The following FRMD3 variants were observed in gnomAD, a reference collection of about 807,000 sequenced individuals.
FRMD3 encodes the protein FERM domain-containing protein 3.
Under a neutral mutation model 70.2 loss-of-function variants are expected in FRMD3, and 33 were observed. That is an observed-to-expected ratio of 0.47 (90% CI 0.36 to 0.63). FRMD3 has a LOEUF of 0.63. Among genes scored for constraint, FRMD3 ranks in the 20% least tolerant of loss-of-function variants. The pLI is 0.00. For missense variants in FRMD3, 632 were observed against 711.4 expected, an observed-to-expected ratio of 0.89 and a Z score of 1.27; for synonymous variants, 279 against 255.9, an observed-to-expected ratio of 1.09 and a Z score of -0.86.
At chr9:83,568,748 T>C in the FRMD3 span, among the ~76,000 whole-genome samples, 29,910 of 152,012 alleles carry the variant, frequency 0.2, 3,068 homozygotes, top group Non-Finnish European at 0.21. Context: ...AATAATGTAC[T>C]ATATATTTAA....
At chr9:83,540,405 A>G (rs1404968302), upstream of FRMD3, among the ~76,000 whole-genome samples, 1 of 152,266 alleles carries the variant, frequency 6.6e-6, no homozygotes, top group Non-Finnish European at 1.5e-5. Context: ...CAAGGACAGT[A>G]GTGAAAAAGA....
At chr9:83,252,932 CTT>C (rs1410404865) in intron 13 of FRMD3, among the ~76,000 whole-genome samples, 3 of 152,100 alleles carry the variant, frequency 2.0e-5, no homozygotes, top group Non-Finnish European at 4.4e-5. Flanking sequence ...TAGTGGGAGA[CTT>C]TAACACTCCA....
At chr9:83,500,800 C>T (rs988597116) in intron 1 of FRMD3, among the ~76,000 whole-genome samples, 13 of 151,898 alleles carry the variant, frequency 8.6e-5, no homozygotes, top group African/African-American at 1.2e-4. Flanking sequence ...AGTTTGGAGG[C>T]GAGGAAAAGA....
chr9:83,391,173 A>C (rs1360473991), intron 1 of FRMD3, among the ~76,000 whole-genome samples: 1 of 152,240 alleles, frequency 6.6e-6, no homozygotes, highest in Non-Finnish European at 1.5e-5. Flanking sequence ...ATAAGCTTCA[A>C]GTTTTTAACT....
chr9:83,269,624 G>T (rs1045371215), intron 13 of FRMD3, among the ~76,000 whole-genome samples: 3 of 151,976 alleles, frequency 2.0e-5, no homozygotes, highest in Non-Finnish European at 4.4e-5. Flanking sequence ...CAGGAGAATT[G>T]CATAAACCCG....
intron 2 of FRMD3, 133 bp from the exon 3 acceptor site, chr9:83,373,088 G>C (rs1353925327): frequency 1.1e-5 from 8 of 710,704 alleles, no homozygotes; most frequent in Non-Finnish European, 1.7e-5. Flanking sequence ...TCCACACTCT[G>C]AAGACCAACA....
chr9:83,536,930 T>TAAAAAAAAAA (rs142272516), intron 1 of FRMD3, among the ~76,000 whole-genome samples: 7 of 60,898 alleles, frequency 1.1e-4, no homozygotes, highest in African/African-American at 3.0e-4. Flanking sequence ...TGTATTACAC[T>TAAAAAAAAAA]AAAAAAAAAA....
chr9:83,571,226 G>A, the FRMD3 span, among the ~76,000 whole-genome samples: 3 of 152,130 alleles, frequency 2.0e-5, no homozygotes, highest in Non-Finnish European at 4.4e-5. Flanking sequence ...TGATCTCTTT[G>A]CAAACTTCAC....
At chr9:83,479,700 G>GA (rs1554710642) in intron 1 of FRMD3, among the ~76,000 whole-genome samples, 1 of 71,132 alleles carries the variant, frequency 1.4e-5, no homozygotes, top group Non-Finnish European at 2.6e-5. Context: ...AAGAAAGAAA[G>GA]AAAGAAAGAA....
At chr9:83,453,818 C>G (rs567250344) in intron 1 of FRMD3, among the ~76,000 whole-genome samples, 21 of 151,164 alleles carry the variant, frequency 1.4e-4, no homozygotes, top group African/African-American at 4.9e-4. Flanking sequence ...CAGGTTCACG[C>G]CATTCTCTTG....
intron 2 of FRMD3, among the ~76,000 whole-genome samples, chr9:83,374,041 T>C (rs995255583): frequency 1.3e-5 from 2 of 152,168 alleles, no homozygotes; most frequent in African/African-American, 4.8e-5. Context: ...CTATCTTATG[T>C]AGTCCTCCCT....
chr9:83,483,639 G>A (rs1484685939), intron 1 of FRMD3, among the ~76,000 whole-genome samples: 5 of 152,090 alleles, frequency 3.3e-5, no homozygotes, highest in South Asian at 2.1e-4. Flanking sequence ...GGGAGTTATC[G>A]CTTGAGACCA....
intron 12 of FRMD3, among the ~76,000 whole-genome samples, chr9:83,292,924 C>G (rs539803468): frequency 1.3e-5 from 2 of 152,176 alleles, no homozygotes; most frequent in African/African-American, 2.4e-5. Context: ...GGATTACAGG[C>G]GTGAGCCACC....
intron 1 of FRMD3, among the ~76,000 whole-genome samples, chr9:83,472,076 T>C: frequency 6.6e-6 from 1 of 150,706 alleles, no homozygotes; most frequent in East Asian, 1.9e-4. Flanking sequence ...GGGACTAGGG[T>C]GCTACCAGAG....
Position 83,248,145 on chromosome 9 carries a change from G to C in FRMD3, c.1567C>G (p.Pro523Ala). The stretch of plus-strand genomic sequence containing the variant: ...AGCCTGGAAAAACTCTTGACCAGTG[G>C]GTTCACCCGAATATGGCCAGTCAGA... The part of the protein sequence containing the change: ...DILTGHIRVN[P>A]LVKSFSRLLV... Residue 523 changes from proline (P) to alanine (A), a missense_variant, in exon 14 of 14, where the codon CCA becomes GCA. Transcript: ENST00000304195. The C allele has an allele frequency of 6.2e-7, 1 of 1,614,142 alleles. No homozygotes were observed. The highest frequency in any genetic ancestry group is 8.5e-7 in the Non-Finnish European group (1 of 1,180,028).
chr9:83,263,186 A>G lies in FRMD3; in HGVS notation c.1196-14670T>C, dbSNP rs1432590743. Among the ~76,000 whole-genome samples the G allele has an allele frequency of 2.0e-5, 3 of 152,232 alleles. No homozygotes were observed. The East Asian group carries it at 5.8e-4, about 29-fold the overall frequency. On this transcript the variant is annotated intron_variant, in intron 13 of 13. Transcript: ENST00000304195. ...TGGCTGACTGAGAAGAGTGATGTAG[A>G]GATAAAATGAAACTGGTCCTCAACC... is the stretch of plus-strand genomic sequence containing the variant.
intron 10 of FRMD3, among the ~76,000 whole-genome samples, chr9:83,309,117 C>G (rs1043802191): frequency 1.3e-5 from 2 of 152,128 alleles, no homozygotes; most frequent in Non-Finnish European, 2.9e-5. Flanking sequence ...CCCCACCACT[C>G]CCCTACTGGT....
At chr9:83,512,017 C>CA in intron 1 of FRMD3, among the ~76,000 whole-genome samples, 1 of 152,194 alleles carries the variant, frequency 6.6e-6, no homozygotes, top group East Asian at 1.9e-4. Context: ...GTTCAAATCT[C>CA]AGTCTACTGC....
In FRMD3 at chr9:83,538,339, G is replaced by T. The variant is rs1437166741; in HGVS notation, c.-108C>A. 3.8e-6 allele frequency: 4 copies of T among 1,053,180 alleles called. No homozygotes were observed. Among genetic ancestry groups the T allele is most frequent in the Non-Finnish European group, 4.9e-6 (4 of 820,666 alleles). 65.2% of individuals were successfully genotyped at this position (1,053,180 alleles called of 1,614,324 possible). A position where few individuals can be genotyped will look rare whatever the true frequency, so the allele number is the denominator to read the frequency against. On this transcript the variant is annotated 5_prime_UTR_variant, in exon 1 of 14. The change creates a new upstream start codon in the 5' untranslated region. Coordinates refer to ENST00000304195, the MANE Select transcript of FRMD3 (RefSeq NM_174938.6). The surrounding 1 kb of genome is among the most constrained non-coding windows in gnomAD (Gnocchi z 4.7). ...GTCCGGGACACCTGGGCGCGGCTCA[G>T]CCCCGGGACATCGGCAGCGTCGGGC...
Sources: gnomAD v4.1 joint callset for allele counts (sites outside exome capture counted in the v4.1 genomes callset) on GRCh38, gnomAD v4.1.1 for gene constraint, Gnocchi (gnomAD v3.1) non-coding constraint, MANE v1.5 for transcripts, NCBI Gene and HGNC (gene_info 2026-07-23, HGNC 2026-07-21) for gene names.